The following ANKRD30B variants were observed in gnomAD, a reference collection of about 807,000 sequenced individuals.
The protein encoded by ANKRD30B is ankyrin repeat domain-containing protein 30B.
Under a neutral mutation model 202.2 loss-of-function variants are expected in ANKRD30B, and 144 were observed. That is an observed-to-expected ratio of 0.71 (90% CI 0.62 to 0.82). The LOEUF (loss-of-function observed/expected upper bound fraction) is 0.82, where lower values mean the gene tolerates loss of function less well. ANKRD30B is among the 40% of genes least tolerant of loss of function. ANKRD30B has a pLI of 0.00. For synonymous variants in ANKRD30B, 508 were observed against 561.3 expected (o/e 0.91, Z 1.34); for missense variants, 1,487 against 1,669.1 (o/e 0.89, Z 1.90).
At chr18:14,855,672 C>T (rs1451960518), downstream of ANKRD30B, among the ~76,000 whole-genome samples, 41 of 144,932 alleles carry the variant, frequency 2.8e-4, no homozygotes, top group African/African-American at 8.9e-4. Flanking sequence ...AGACGATGGG[C>T]GGCCGGGCAG....
At chr18:14,794,325 C>T (rs1315077770) in intron 16 of ANKRD30B, among the ~76,000 whole-genome samples, 1 of 151,338 alleles carries the variant, frequency 6.6e-6, no homozygotes, top group Non-Finnish European at 1.5e-5. Flanking sequence ...AAGTGATAAA[C>T]GGTTCGTTGA....
chr18:14,805,855 G>A (rs1484348260), intron 24 of ANKRD30B, among the ~76,000 whole-genome samples: 1 of 149,454 alleles, frequency 6.7e-6, no homozygotes, highest in Non-Finnish European at 1.5e-5. Flanking sequence ...ATATAAATGG[G>A]TGTACAATGT....
chr18:14,783,763 A>G (rs10468701), intron 12 of ANKRD30B, among the ~76,000 whole-genome samples: 77,629 of 151,842 alleles, frequency 0.51, 20,009 homozygotes, highest in Non-Finnish European at 0.53. Flanking sequence ...AAGTGGATCA[A>G]GAAGCATTCA....
the ANKRD30B span, among the ~76,000 whole-genome samples, chr18:14,929,561 A>G: frequency 6.6e-6 from 1 of 152,194 alleles, no homozygotes; most frequent in African/African-American, 2.4e-5. Flanking sequence ...GAGGACAATG[A>G]GTCCAATTTT....
the ANKRD30B span, among the ~76,000 whole-genome samples, chr18:14,880,330 G>A: frequency 6.6e-5 from 10 of 152,068 alleles, no homozygotes; most frequent in Admixed American, 1.3e-4. Flanking sequence ...CTCCAGGTTT[G>A]TTCTTTTTGC....
chr18:14,786,124 C>T (rs961489764), intron 14 of ANKRD30B, among the ~76,000 whole-genome samples: 6 of 145,464 alleles, frequency 4.1e-5, no homozygotes, highest in Admixed American at 6.9e-5. Context: ...AATGATGAAA[C>T]GGTCTTTTAA....
chr18:14,782,676 C>T (rs1335992530), intron 12 of ANKRD30B, 62 bp downstream of exon 12: 1 of 1,039,372 alleles, frequency 9.6e-7, no homozygotes, highest in African/African-American at 1.6e-5. Context: ...CGCATGATGA[C>T]TGAAATACTC....
intron 9 of ANKRD30B, among the ~76,000 whole-genome samples, chr18:14,775,815 G>A (rs1967317708): frequency 6.6e-6 from 1 of 152,190 alleles, no homozygotes; most frequent in Admixed American, 6.5e-5. Context: ...GATGTCAAAA[G>A]ATAAGTCTGT....
intron 4 of ANKRD30B, 122 bp downstream of exon 4, chr18:14,755,127 A>G (rs1914131224): frequency 1.6e-5 from 9 of 554,100 alleles, no homozygotes; most frequent in Admixed American, 3.9e-5. Context: ...AGTGAAACAT[A>G]TCAACACAAA....
At chr18:14,920,534 A>C in the ANKRD30B span, among the ~76,000 whole-genome samples, 1 of 152,212 alleles carries the variant, frequency 6.6e-6, no homozygotes, top group Non-Finnish European at 1.5e-5. Context: ...GGGATCTTGT[A>C]GCTTCCTGGG....
At chr18:14,934,712 T>C in the ANKRD30B span, among the ~76,000 whole-genome samples, 3 of 152,000 alleles carry the variant, frequency 2.0e-5, no homozygotes, top group Admixed American at 2.0e-4. Context: ...GTTGGGAATA[T>C]TCAAGGAGGA....
intron 4 of ANKRD30B, among the ~76,000 whole-genome samples, chr18:14,755,550 TC>T (rs1192737840): frequency 6.6e-6 from 1 of 151,986 alleles, no homozygotes; most frequent in Non-Finnish European, 1.5e-5. Context: ...CCCTCCCCCT[TC>T]CTTCCCCTCA....
intron 34 of ANKRD30B, among the ~76,000 whole-genome samples, chr18:14,836,631 A>T (rs567079958): frequency 6.6e-6 from 1 of 152,200 alleles, no homozygotes; most frequent in Non-Finnish European, 1.5e-5. Context: ...TATTGAGTGG[A>T]TACCCATTAC....
chr18:14,754,870 GA>G, intron 3 of ANKRD30B, 28 bp from the exon 4 acceptor site: 1 of 1,408,192 alleles, frequency 7.1e-7, no homozygotes, highest in African/African-American at 1.5e-5. Flanking sequence ...GTAATTTCAT[GA>G]ATTATATATT....
the ANKRD30B span, among the ~76,000 whole-genome samples, chr18:14,911,918 G>T: frequency 6.6e-6 from 1 of 152,132 alleles, no homozygotes; most frequent in African/African-American, 2.4e-5. Context: ...TCGGTCCTCT[G>T]CTAGACTGTT....
chr18:14,752,660 G>A lies in ANKRD30B; in HGVS notation c.316G>A (p.Gly106Arg), dbSNP rs767020498. The change falls in exon 2 of 44, where the codon GGG (glycine) becomes AGG (arginine). Residue 106 changes from glycine to arginine, a missense_variant. Gly to Arg is a moderately radical substitution (Grantham distance 125). Coordinates refer to ENST00000690538, the MANE Select transcript of ANKRD30B (RefSeq NM_001367607.2). ...CCAGCTTAATGTCCTTGATGGCGAA[G>A]GGAGGACACCTCTGATGAAGGTAAA... ...KCQLNVLDGE[G>R]RTPLMKALQC... 15 of 1,606,594 alleles carry A rather than the reference G, an allele frequency of 9.3e-6. No homozygotes were observed. In the South Asian group the frequency reaches 1.6e-4, roughly 17 times the overall value.
chr18:14,761,806 T>C (rs1172011429), intron 6 of ANKRD30B, among the ~76,000 whole-genome samples: 1 of 152,186 alleles, frequency 6.6e-6, no homozygotes, highest in African/African-American at 2.4e-5. Flanking sequence ...TTACAATAAA[T>C]GGTTTGCATT....
intron 28 of ANKRD30B, among the ~76,000 whole-genome samples, chr18:14,811,021 A>G (rs561939796): frequency 4.6e-5 from 7 of 151,154 alleles, no homozygotes; most frequent in African/African-American, 1.7e-4. Flanking sequence ...AGGCTGAGGC[A>G]GGAGAATTGC....
At chr18:14,860,634 G>A in the ANKRD30B span, among the ~76,000 whole-genome samples, 2 of 151,224 alleles carry the variant, frequency 1.3e-5, no homozygotes, top group African/African-American at 4.9e-5. Context: ...TGACTTATCA[G>A]CAGAAACCCT....
Sources: allele counts gnomAD v4.1 joint callset (sites outside exome capture counted in the v4.1 genomes callset), GRCh38; gene constraint gnomAD v4.1.1; transcripts MANE v1.5; gene names NCBI Gene and HGNC (gene_info 2026-07-23, HGNC 2026-07-21).